The following ST8SIA4 variants were observed in gnomAD, a reference collection of about 807,000 sequenced individuals.
The protein encoded by ST8SIA4 is CMP-N-acetylneuraminate-poly-alpha-2,8-sialyltransferase.
A neutral mutation model predicts 33.9 loss-of-function variants in ST8SIA4; 15 were observed. The ratio of observed to expected loss-of-function variants is 0.44; its 90% CI spans 0.30 to 0.68. ST8SIA4 has a LOEUF of 0.68. Among genes scored for constraint, ST8SIA4 ranks in the 30% least tolerant of loss-of-function variants. ST8SIA4 has a pLI of 0.10. For synonymous variants in ST8SIA4, 171 were observed against 151.2 expected (o/e 1.13, Z -0.96); for missense variants, 321 against 428.0 (o/e 0.75, Z 2.21).
intron 2 of ST8SIA4, chr5:100,890,532 C>T (rs1350269867): frequency 6.6e-6 from 1 of 151,836 alleles, no homozygotes; most frequent in Non-Finnish European, 1.5e-5. Context: ...TCTAGAGACA[C>T]ATGAATCAAC....
intron 3 of ST8SIA4, among the ~76,000 whole-genome samples, chr5:100,867,444 G>A (rs1006117826): frequency 5.3e-5 from 8 of 151,944 alleles, no homozygotes; most frequent in African/African-American, 1.9e-4. Context: ...AAATTATGTT[G>A]TGCACTAAAA....
chr5:100,817,630 T>C (rs1013775145), intron 4 of ST8SIA4, among the ~76,000 whole-genome samples: 5 of 152,190 alleles, frequency 3.3e-5, no homozygotes, highest in African/African-American at 1.2e-4. Flanking sequence ...GTTAATTCTG[T>C]TTTGAAATTA....
chr5:100,819,664 A>G (rs1233387953), intron 4 of ST8SIA4, among the ~76,000 whole-genome samples: 1 of 152,212 alleles, frequency 6.6e-6, no homozygotes, highest in African/African-American at 2.4e-5. Flanking sequence ...GTTTTGATCA[A>G]GAAAATCAAT....
At chr5:100,841,812 A>T (rs1214055256) in intron 4 of ST8SIA4, among the ~76,000 whole-genome samples, 1 of 151,810 alleles carries the variant, frequency 6.6e-6, no homozygotes, top group African/African-American at 2.4e-5. Flanking sequence ...TGAATCTCTA[A>T]TCAGTGACAA....
intron 4 of ST8SIA4, among the ~76,000 whole-genome samples, chr5:100,826,801 C>T (rs1751154392): frequency 6.6e-6 from 1 of 151,742 alleles, no homozygotes; most frequent in Admixed American, 6.6e-5. Context: ...GTGTCCTATT[C>T]AGAATAGTTA....
intron 4 of ST8SIA4, among the ~76,000 whole-genome samples, chr5:100,825,188 T>C (rs115482444): frequency 0.015 from 2,263 of 152,236 alleles, 52 homozygotes; most frequent in African/African-American, 0.051. Flanking sequence ...GTTGTTTTGA[T>C]TGGGTTCAAA....
intron 1 of ST8SIA4, among the ~76,000 whole-genome samples, chr5:100,900,034 G>T (rs559831794): frequency 2.0e-5 from 3 of 152,322 alleles, no homozygotes; most frequent in South Asian, 2.1e-4. Context: ...TGGTTGGTGA[G>T]AAGGTTGTGC....
At chr5:100,899,614 G>A (rs1275096921) in intron 1 of ST8SIA4, among the ~76,000 whole-genome samples, 2 of 152,154 alleles carry the variant, frequency 1.3e-5, no homozygotes, top group African/African-American at 4.8e-5. Context: ...TAGTCAACCA[G>A]AAAAATAGTG....
intron 3 of ST8SIA4, among the ~76,000 whole-genome samples, chr5:100,861,444 A>G (rs1287465712): frequency 6.6e-6 from 1 of 152,174 alleles, no homozygotes; most frequent in Non-Finnish European, 1.5e-5. Flanking sequence ...ACCAAGAAAT[A>G]TGTTAGACTG....
intron 2 of ST8SIA4, among the ~76,000 whole-genome samples, chr5:100,891,618 C>A (rs1390548103): frequency 1.3e-5 from 2 of 151,972 alleles, no homozygotes; most frequent in African/African-American, 4.8e-5. Context: ...TTAATTTACA[C>A]CCTAGAGTGC....
At chr5:100,897,786 A>T (rs1228849981) in intron 1 of ST8SIA4, among the ~76,000 whole-genome samples, 3 of 152,214 alleles carry the variant, frequency 2.0e-5, no homozygotes, top group Non-Finnish European at 4.4e-5. Context: ...TACTGATGAA[A>T]ATGATACGTT....
At chr5:100,876,154 T>C (rs1427675725) in intron 3 of ST8SIA4, among the ~76,000 whole-genome samples, 3 of 152,064 alleles carry the variant, frequency 2.0e-5, no homozygotes, top group Admixed American at 6.6e-5. Context: ...ATCCCAGAGA[T>C]GAAAAAGAGA....
intron 4 of ST8SIA4, among the ~76,000 whole-genome samples, chr5:100,823,958 T>C (rs1239874378): frequency 6.6e-6 from 1 of 152,206 alleles, no homozygotes; most frequent in Non-Finnish European, 1.5e-5. Flanking sequence ...AACTCAGACT[T>C]TATAACAATA....
intron 3 of ST8SIA4, among the ~76,000 whole-genome samples, chr5:100,860,396 A>G (rs2112444746): frequency 6.6e-6 from 1 of 152,280 alleles, no homozygotes; most frequent in East Asian, 1.9e-4. Flanking sequence ...AAGCTTATTG[A>G]TCCCGTTTGC....
chr5:100,814,353 A>G (rs1750871062), intron 4 of ST8SIA4, among the ~76,000 whole-genome samples: 1 of 152,138 alleles, frequency 6.6e-6, no homozygotes, highest in Non-Finnish European at 1.5e-5. Flanking sequence ...AAATTAATCT[A>G]TGCAGTTAAA....
intron 4 of ST8SIA4, among the ~76,000 whole-genome samples, chr5:100,855,059 A>G (rs1751785399): frequency 6.6e-6 from 1 of 152,222 alleles, no homozygotes; most frequent in Admixed American, 6.5e-5. Context: ...ATCCCAAGTT[A>G]CTTTTCCAAC....
chr5:100,868,256 T>A (rs1752120224), intron 3 of ST8SIA4, among the ~76,000 whole-genome samples: 1 of 152,036 alleles, frequency 6.6e-6, no homozygotes, highest in South Asian at 2.1e-4. Flanking sequence ...TTTGAAAGAA[T>A]AAAAAAGGAT....
intron 3 of ST8SIA4, among the ~76,000 whole-genome samples, chr5:100,856,933 CAT>C (rs1751827643): frequency 6.6e-6 from 1 of 152,114 alleles, no homozygotes; most frequent in East Asian, 1.9e-4. Flanking sequence ...TTTACACAAA[CAT>C]ATTTACAATT....
At chr5:100,846,599 A>G (rs1751577696) in intron 4 of ST8SIA4, among the ~76,000 whole-genome samples, 1 of 151,972 alleles carries the variant, frequency 6.6e-6, no homozygotes, top group Non-Finnish European at 1.5e-5. Flanking sequence ...ATGATGCCCA[A>G]TTGAAACTTA....
Sources: gnomAD v4.1 joint callset for allele counts (sites outside exome capture counted in the v4.1 genomes callset) on GRCh38, gnomAD v4.1.1 for gene constraint, MANE v1.5 for transcripts, NCBI Gene and HGNC (gene_info 2026-07-23, HGNC 2026-07-21) for gene names.